RAPGEF4: variants seen among roughly 807,000 people sequenced by gnomAD.
The protein encoded by RAPGEF4 is Rap guanine nucleotide exchange factor 4.
Under a neutral mutation model 147.9 loss-of-function variants are expected in RAPGEF4, and 66 were observed. The ratio of observed to expected loss-of-function variants is 0.45; its 90% CI spans 0.37 to 0.55. RAPGEF4 has a LOEUF of 0.55. Among genes scored for constraint, RAPGEF4 ranks in the 20% least tolerant of loss-of-function variants. The pLI is 0.00. For synonymous variants in RAPGEF4, 419 were observed against 442.7 expected, an observed-to-expected ratio of 0.95 and a Z score of 0.67; for missense variants, 1,071 against 1,257.3, an observed-to-expected ratio of 0.85 and a Z score of 2.24.
In RAPGEF4 at chr2:172,965,624, C is replaced by T; in HGVS notation, c.761C>T (p.Ser254Phe). Residue 254 changes from serine (S) to phenylalanine (F), a missense_variant, in exon 9 of 31, where the codon TCC (serine) becomes TTC (phenylalanine). By Grantham distance (155) the Ser-to-Phe change is radical. Coordinates refer to ENST00000397081, the MANE Select transcript of RAPGEF4 (RefSeq NM_007023.4). ...ATGCAGCAGACACCATGTGTTCACT[C>T]CCGGACTCAAGCTGTTGGCATGTGG... Reference protein sequence around the residue: ...WMMQQTPCVHSRTQAVGMWQV... With the variant: ...WMMQQTPCVHFRTQAVGMWQV... 1.2e-6 allele frequency: 2 copies of T among 1,614,084 alleles called. No homozygotes were observed. Among genetic ancestry groups the T allele is most frequent in the Non-Finnish European group, 1.7e-6 (2 of 1,179,974 alleles).
chr2:172,809,529 G>A (rs1354060289), intron 3 of RAPGEF4, among the ~76,000 whole-genome samples: 2 of 152,024 alleles, frequency 1.3e-5, no homozygotes, highest in Admixed American at 6.6e-5. Context: ...CAGAAATGCC[G>A]ATTTTATTTT....
chr2:172,955,101 A>G (rs1395720430), intron 6 of RAPGEF4, among the ~76,000 whole-genome samples: 1 of 152,188 alleles, frequency 6.6e-6, no homozygotes, highest in Non-Finnish European at 1.5e-5. Context: ...CTTGGTTTAA[A>G]ATGCTGTGCT....
intron 4 of RAPGEF4, among the ~76,000 whole-genome samples, chr2:172,829,485 G>C (rs1690049446): frequency 6.6e-6 from 1 of 152,112 alleles, no homozygotes; most frequent in African/African-American, 2.4e-5. Context: ...AAAACATCGT[G>C]GTCACTTGGA....
Position 172,913,187 on chromosome 2 carries a change from C to T in RAPGEF4, c.445-4615C>T, listed in dbSNP as rs147319435. Among the ~76,000 whole-genome samples the T allele has an allele frequency of 3.7e-3, 568 of 152,142 alleles. 4 individuals carry two copies. The highest frequency in any genetic ancestry group is 0.013 in the African/African-American group (544 of 41,502). On this transcript the variant is annotated intron_variant, in intron 4 of 30. Transcript: ENST00000397081. ...CTGGGATTACAGGTATGAGCCACTGCGCCCAGCCCTCACTCTTCTTTAAAC... is the reference window on the plus strand; with the variant it reads ...CTGGGATTACAGGTATGAGCCACTGTGCCCAGCCCTCACTCTTCTTTAAAC...
intron 4 of RAPGEF4, among the ~76,000 whole-genome samples, chr2:172,846,613 T>C (rs555466148): frequency 6.6e-6 from 1 of 152,322 alleles, no homozygotes; most frequent in African/African-American, 2.4e-5. Context: ...AGTTCTTAGA[T>C]CGTGCATTTA....
intron 4 of RAPGEF4, among the ~76,000 whole-genome samples, chr2:172,819,819 T>G (rs1452554944): frequency 6.6e-6 from 1 of 152,202 alleles, no homozygotes; most frequent in Non-Finnish European, 1.5e-5. Flanking sequence ...TTGACACTAG[T>G]GGCATTTTCT....
chr2:172,749,286 GC>G (rs1695049300), intron 1 of RAPGEF4, among the ~76,000 whole-genome samples: 1 of 152,212 alleles, frequency 6.6e-6, no homozygotes, highest in Admixed American at 6.5e-5. Context: ...TGAGGGCCCT[GC>G]CCCTGCAGCA....
chr2:173,027,148 T>C lies in RAPGEF4; in HGVS notation c.2447T>C (p.Phe816Ser). The C allele has an allele frequency of 6.2e-7, 1 of 1,613,696 alleles. No individual in the cohort carries two copies. Among genetic ancestry groups the C allele is most frequent in the Non-Finnish European group, 8.5e-7 (1 of 1,179,800 alleles). ...AAGACCACAGCAAACTTGGATTTGT[T>C]CCTGAGGAGATTTAATGAAATTCAG... ...FKKTTANLDL[F>S]LRRFNEIQFW... is the part of the protein sequence containing the mutation. Residue 816 changes from phenylalanine to serine, a missense_variant, in exon 25 of 31, where the codon TTC (phenylalanine) becomes TCC (serine). Coordinates refer to ENST00000397081, the MANE Select transcript of RAPGEF4 (RefSeq NM_007023.4).
chr2:172,938,018 A>T (rs929190527), intron 6 of RAPGEF4, among the ~76,000 whole-genome samples: 22 of 152,204 alleles, frequency 1.4e-4, no homozygotes, highest in African/African-American at 5.3e-4. Context: ...AACTAGTTGC[A>T]TATATATTCT....
At chr2:173,007,366 C>T (rs1259211432) in intron 17 of RAPGEF4, among the ~76,000 whole-genome samples, 1 of 152,156 alleles carries the variant, frequency 6.6e-6, no homozygotes, top group Non-Finnish European at 1.5e-5. Flanking sequence ...ACAGAAGGCG[C>T]TCCTATGAGC....
intron 1 of RAPGEF4, among the ~76,000 whole-genome samples, chr2:172,791,136 CT>C (rs1014252355): frequency 6.6e-6 from 1 of 152,192 alleles, no homozygotes; most frequent in African/African-American, 2.4e-5. Context: ...GACCTAAGCA[CT>C]TTTCCTTAAA....
At chr2:173,031,624 A>G (rs911960184) in intron 26 of RAPGEF4, among the ~76,000 whole-genome samples, 12 of 151,868 alleles carry the variant, frequency 7.9e-5, no homozygotes, top group African/African-American at 2.9e-4. Flanking sequence ...TGTGGGAAAC[A>G]CTCTCTGAAC....
At chr2:172,848,701 A>T (rs954534720) in intron 4 of RAPGEF4, among the ~76,000 whole-genome samples, 1 of 152,200 alleles carries the variant, frequency 6.6e-6, no homozygotes, top group Admixed American at 6.5e-5. Flanking sequence ...TTAGAAAATC[A>T]TTAGCAAGGA....
chr2:172,912,214 G>C (rs1559114815), intron 4 of RAPGEF4, among the ~76,000 whole-genome samples: 1 of 152,148 alleles, frequency 6.6e-6, no homozygotes, highest in South Asian at 2.1e-4. Context: ...ATTAGTTACT[G>C]TCTCTGTTTC....
chr2:172,916,938 T>C (rs1280608658), intron 4 of RAPGEF4, among the ~76,000 whole-genome samples: 3 of 152,208 alleles, frequency 2.0e-5, no homozygotes, highest in Admixed American at 2.0e-4. Context: ...ACCATAAATA[T>C]ACATGACACC....
intron 1 of RAPGEF4, among the ~76,000 whole-genome samples, chr2:172,792,678 C>G (rs557442751): frequency 1.3e-5 from 2 of 152,174 alleles, no homozygotes; most frequent in African/African-American, 4.8e-5. Context: ...CTTAGGTCTT[C>G]CACTTAGTGA....
intron 4 of RAPGEF4, chr2:172,821,596 C>G: frequency 1.0e-6 from 1 of 994,494 alleles, no homozygotes; most frequent in Non-Finnish European, 1.2e-6. Flanking sequence ...TCTTTTAAAC[C>G]AAGCGGAAGC....
chr2:172,889,184 G>T (rs2149893548), intron 4 of RAPGEF4, among the ~76,000 whole-genome samples: 1 of 152,252 alleles, frequency 6.6e-6, no homozygotes, highest in Non-Finnish European at 1.5e-5. Flanking sequence ...ATGAAATTAT[G>T]TTTTAAGAGT....
chr2:172,789,424 T>C (rs1685580876), intron 1 of RAPGEF4, among the ~76,000 whole-genome samples: 1 of 152,206 alleles, frequency 6.6e-6, no homozygotes, highest in Non-Finnish European at 1.5e-5. Flanking sequence ...ACAGTGTCTT[T>C]GTTTACAAAT....
Sources: gnomAD v4.1 joint callset for allele counts (sites outside exome capture counted in the v4.1 genomes callset) on GRCh38, gnomAD v4.1.1 for gene constraint, MANE v1.5 for transcripts, NCBI Gene and HGNC (gene_info 2026-07-23, HGNC 2026-07-21) for gene names.